The following RBM47 variants were observed in gnomAD, a reference collection of about 807,000 sequenced individuals.
RBM47 encodes the protein RNA binding motif protein 47.
A neutral mutation model predicts 47.1 loss-of-function variants in RBM47; 21 were observed. The observed-to-expected ratio is 0.45, with a 90% CI of 0.32 to 0.64. The LOEUF (loss-of-function observed/expected upper bound fraction) is 0.64. Among genes scored for constraint, RBM47 ranks in the 30% least tolerant of loss-of-function variants. The pLI is 0.05. For missense variants in RBM47, 708 were observed against 870.9 expected, an observed-to-expected ratio of 0.81 and a Z score of 2.35; for synonymous variants, 375 against 361.7, an observed-to-expected ratio of 1.04 and a Z score of -0.42.
intron 1 of RBM47, among the ~76,000 whole-genome samples, chr4:40,603,244 G>C (rs34871234): frequency 9.2e-5 from 14 of 151,902 alleles, no homozygotes; most frequent in Non-Finnish European, 1.8e-4. Context: ...ACTGAACATG[G>C]GTTTGTGGCT....
intron 1 of RBM47, among the ~76,000 whole-genome samples, chr4:40,578,778 C>T (rs79680466): frequency 0.11 from 16,398 of 152,208 alleles, 1,050 homozygotes; most frequent in Admixed American, 0.17. Context: ...TAAGGGGTAA[C>T]GCACACAAAG....
rs187587429 is a variant in RBM47 at position 40,459,935 on chromosome 4, T to C, written c.-32+6642A>G. Among the ~76,000 whole-genome samples, 439 of 152,324 alleles carry C rather than the reference T, an allele frequency of 2.9e-3. 1 individual carries two copies. The highest frequency in any genetic ancestry group is 0.01 in the African/African-American group (430 of 41,574). On this transcript the variant is annotated intron_variant, in intron 3 of 6. Coordinates refer to ENST00000295971, the MANE Select transcript of RBM47 (RefSeq NM_001098634.2). ...ATGCCTATAGCTAATTTTGTATTTT[T>C]AGTAGAGACGGGGTTTCACCACGTT... is the stretch of plus-strand genomic sequence containing the variant.
chr4:40,600,363 G>A lies in RBM47; in HGVS notation c.-240+29033C>T, dbSNP rs572174523. 2.4e-4 allele frequency among the ~76,000 whole-genome samples: 36 copies of A among 151,460 alleles called. No individual in the cohort carries two copies. In the South Asian group the frequency reaches 3.8e-3, roughly 16 times the overall value. On this transcript the variant is annotated intron_variant, in intron 1 of 6. Coordinates refer to ENST00000295971, the MANE Select transcript of RBM47 (RefSeq NM_001098634.2). Reference sequence around the variant, plus strand: ...ATTCTTGAAAGCAGAGGCCGGGCGCGGTGGCTCAAGCCTGTAATCCCAGCA... The same window carrying A: ...ATTCTTGAAAGCAGAGGCCGGGCGCAGTGGCTCAAGCCTGTAATCCCAGCA...
chr4:40,470,079 C>A (rs1718628409), intron 2 of RBM47, among the ~76,000 whole-genome samples: 1 of 152,136 alleles, frequency 6.6e-6, no homozygotes, highest in African/African-American at 2.4e-5. Flanking sequence ...CCAGTCCAAA[C>A]CTTTGATTTT....
chr4:40,553,110 G>C (rs1016793616), intron 1 of RBM47, among the ~76,000 whole-genome samples: 19 of 148,236 alleles, frequency 1.3e-4, no homozygotes, highest in African/African-American at 4.5e-4. Flanking sequence ...CGGGACTACA[G>C]GCACGCGCCA....
chr4:40,458,023 G>A (rs1348165517), intron 3 of RBM47, among the ~76,000 whole-genome samples: 1 of 152,146 alleles, frequency 6.6e-6, no homozygotes, highest in Non-Finnish European at 1.5e-5. Context: ...TAAACTTACA[G>A]TCATTATAAT....
rs938512536 is a variant in RBM47 at position 40,457,431 on chromosome 4, A to C, written c.-32+9146T>G. Among the ~76,000 whole-genome samples the C allele has an allele frequency of 1.9e-3, 296 of 151,802 alleles. 1 individual carries two copies. The highest frequency in any genetic ancestry group is 6.8e-3 in the Middle Eastern group (2 of 294). ...GAGTGAGACTCCATCTCAAAAAAAA[A>C]AAAAAAACAAAAAAAAGGCATTTTA... On this transcript the variant is annotated intron_variant, in intron 3 of 6. Coordinates refer to ENST00000295971, the MANE Select transcript of RBM47 (RefSeq NM_001098634.2).
intron 2 of RBM47, among the ~76,000 whole-genome samples, chr4:40,517,256 T>G (rs1308047395): frequency 6.6e-6 from 1 of 152,166 alleles, no homozygotes; most frequent in Non-Finnish European, 1.5e-5. Flanking sequence ...TGCCCCAGCC[T>G]CCTGCGTAGC....
chr4:40,475,992 GGCTCAAAA>G (rs1719553482), intron 2 of RBM47, among the ~76,000 whole-genome samples: 1 of 152,180 alleles, frequency 6.6e-6, no homozygotes, highest in South Asian at 2.1e-4. Flanking sequence ...ATTTGGGGAA[GGCTCAAAA>G]GCTTTGCCAC....
intron 2 of RBM47, among the ~76,000 whole-genome samples, chr4:40,529,785 T>C (rs1197388339): frequency 4.0e-5 from 6 of 149,314 alleles, no homozygotes; most frequent in African/African-American, 9.8e-5. Flanking sequence ...GCCGAGATTG[T>C]GCCACTGCAC....
chr4:40,562,461 A>ATTTTTT (rs67887812), intron 1 of RBM47, among the ~76,000 whole-genome samples: 2 of 113,750 alleles, frequency 1.8e-5, no homozygotes, highest in Admixed American at 9.3e-5. Context: ...ACTTCTCCCT[A>ATTTTTT]TTTTTTTTTT....
At chr4:40,509,263 C>T (rs1724550193) in intron 2 of RBM47, among the ~76,000 whole-genome samples, 1 of 151,922 alleles carries the variant, frequency 6.6e-6, no homozygotes, top group South Asian at 2.1e-4. Flanking sequence ...TTCACTGGTG[C>T]TTCATAATTG....
At chr4:40,601,429 T>C (rs1288649875) in intron 1 of RBM47, among the ~76,000 whole-genome samples, 1 of 152,180 alleles carries the variant, frequency 6.6e-6, no homozygotes, top group African/African-American at 2.4e-5. Flanking sequence ...GATAAAAACA[T>C]GCTGGATCAT....
intron 3 of RBM47, among the ~76,000 whole-genome samples, chr4:40,452,477 G>A (rs532464368): frequency 2.0e-5 from 3 of 152,186 alleles, no homozygotes; most frequent in East Asian, 1.9e-4. Context: ...GAATAGAAAC[G>A]ATTTTATAAA....
At chr4:40,551,534 A>C (rs1470742176) in intron 1 of RBM47, among the ~76,000 whole-genome samples, 7 of 152,202 alleles carry the variant, frequency 4.6e-5, no homozygotes, top group Non-Finnish European at 5.9e-5. Context: ...AACATTGGCA[A>C]GCAGAATCCA....
At chr4:40,581,020 G>A (rs537960954) in intron 1 of RBM47, among the ~76,000 whole-genome samples, 1 of 152,220 alleles carries the variant, frequency 6.6e-6, no homozygotes, top group Admixed American at 6.5e-5. Context: ...TCTGTGGCTG[G>A]AATCTGGTAA....
At chr4:40,495,153 C>G (rs1172806526) in intron 2 of RBM47, among the ~76,000 whole-genome samples, 3 of 152,086 alleles carry the variant, frequency 2.0e-5, no homozygotes, top group Non-Finnish European at 2.9e-5. Context: ...GCCAAAAGTT[C>G]TGAATTAACA....
chr4:40,428,776 T>C (rs1014096709), intron 6 of RBM47, among the ~76,000 whole-genome samples: 3 of 152,176 alleles, frequency 2.0e-5, no homozygotes, highest in Non-Finnish European at 2.9e-5. Flanking sequence ...GTCCCTTTTA[T>C]GATAGCATTC....
chr4:40,545,757 A>AG (rs1239074273), intron 1 of RBM47, among the ~76,000 whole-genome samples: 1 of 152,124 alleles, frequency 6.6e-6, no homozygotes, highest in African/African-American at 2.4e-5. Context: ...ACTAACAGGG[A>AG]GGGGAAGCTC....
Sources: allele counts gnomAD v4.1 joint callset (sites outside exome capture counted in the v4.1 genomes callset), GRCh38; gene constraint gnomAD v4.1.1; transcripts MANE v1.5; gene names NCBI Gene and HGNC (gene_info 2026-07-23, HGNC 2026-07-21).